The following TRIM44 variants were observed in gnomAD, a reference collection of about 807,000 sequenced individuals.
TRIM44 encodes tripartite motif containing 44.
A neutral mutation model predicts 37.4 loss-of-function variants in TRIM44; 13 were observed. That is an observed-to-expected ratio of 0.35 (90% CI 0.23 to 0.55). The LOEUF is 0.55. Among genes scored for constraint, TRIM44 ranks in the 20% least tolerant of loss-of-function variants. TRIM44 has a pLI of 0.89. For synonymous variants in TRIM44, 175 were observed against 157.2 expected, an observed-to-expected ratio of 1.11 and a Z score of -0.85; for missense variants, 426 against 437.2, an observed-to-expected ratio of 0.97 and a Z score of 0.23.
At chr11:35,739,233 A>G (rs1177963444) in intron 4 of TRIM44, among the ~76,000 whole-genome samples, 1 of 152,218 alleles carries the variant, frequency 6.6e-6, no homozygotes, top group Non-Finnish European at 1.5e-5. Flanking sequence ...TTTAATCTAC[A>G]TGCAAACCTC....
chr11:35,808,376 ACT>A lies in TRIM44; in HGVS notation c.*1995_*1996del, dbSNP rs899927257. 6.6e-6 allele frequency: 1 copy of A among 152,094 alleles called. No homozygotes were observed. The highest frequency in any genetic ancestry group is 1.5e-5 in the Non-Finnish European group (1 of 68,014). The allele number at this position is 152,094 out of a possible 1,614,324, so 9.4% of individuals were successfully genotyped here. On this transcript the variant is annotated 3_prime_UTR_variant, in exon 5 of 5. Coordinates refer to ENST00000299413, the MANE Select transcript of TRIM44 (RefSeq NM_017583.6). ...TACCCTAAAAGAAGGACCAGTGGCCACTCTCGAAAAAATTTAAGTATCAGAAG... is the reference window on the plus strand; with the variant it reads ...TACCCTAAAAGAAGGACCAGTGGCCACTCGAAAAAATTTAAGTATCAGAAG...
intron 4 of TRIM44, among the ~76,000 whole-genome samples, chr11:35,785,061 A>G (rs1424044169): frequency 6.6e-6 from 1 of 152,208 alleles, no homozygotes; most frequent in Non-Finnish European, 1.5e-5. Context: ...AAAGCTACAA[A>G]TACTTGTCCT....
chr11:35,726,832 A>T (rs1299636172), intron 3 of TRIM44, among the ~76,000 whole-genome samples: 1 of 151,832 alleles, frequency 6.6e-6, no homozygotes, highest in Non-Finnish European at 1.5e-5. Context: ...TTTTGAATCT[A>T]CTTTGAAAAA....
intron 4 of TRIM44, among the ~76,000 whole-genome samples, chr11:35,769,000 A>C (rs1013327461): frequency 1.3e-5 from 2 of 152,336 alleles, no homozygotes; most frequent in African/African-American, 4.8e-5. Context: ...CAGATGTTTA[A>C]GCTTCTTTTC....
chr11:35,769,258 C>T (rs1852836130), intron 4 of TRIM44, among the ~76,000 whole-genome samples: 1 of 152,230 alleles, frequency 6.6e-6, no homozygotes, highest in South Asian at 2.1e-4. Context: ...TCTGTGATCA[C>T]TCACATCTTT....
At chr11:35,711,722 C>T (rs1235371822) in intron 2 of TRIM44, among the ~76,000 whole-genome samples, 1 of 152,042 alleles carries the variant, frequency 6.6e-6, no homozygotes, top group Non-Finnish European at 1.5e-5. Context: ...TACCACTGCA[C>T]TCCAGCCTGG....
intron 2 of TRIM44, among the ~76,000 whole-genome samples, chr11:35,717,075 A>G (rs879680161): frequency 6.6e-6 from 1 of 152,210 alleles, no homozygotes; most frequent in African/African-American, 2.4e-5. Context: ...ATAGAAATGT[A>G]TCCAGGTAGA....
At chr11:35,774,079 G>A (rs58575956) in intron 4 of TRIM44, among the ~76,000 whole-genome samples, 2 of 152,206 alleles carry the variant, frequency 1.3e-5, no homozygotes, top group Non-Finnish European at 2.9e-5. Flanking sequence ...CTAGTTTACA[G>A]TCCCACCAAC....
Position 35,811,966 on chromosome 11 carries a change from G to C in TRIM44, c.*5581G>C, listed in dbSNP as rs1281813202. ...ATTAGGCCCTACTTCCTCTTCCCCA[G>C]TTGCGGAGGACACTGCTGCCTGGTG... On this transcript the variant is annotated 3_prime_UTR_variant, in exon 5 of 5. Coordinates refer to ENST00000299413, the MANE Select transcript of TRIM44 (RefSeq NM_017583.6). 1 of 152,210 alleles carries C rather than the reference G, an allele frequency of 6.6e-6. No individual in the cohort carries two copies. The highest frequency in any genetic ancestry group is 1.5e-5 in the Non-Finnish European group (1 of 68,068). 9.4% of individuals were successfully genotyped at this position (152,210 alleles called of 1,614,324 possible).
At chr11:35,726,331 A>G (rs1852174913) in intron 3 of TRIM44, among the ~76,000 whole-genome samples, 168 bp downstream of exon 3, 1 of 152,188 alleles carries the variant, frequency 6.6e-6, no homozygotes, top group Admixed American at 6.5e-5. Flanking sequence ...CCACTAGTTT[A>G]CTCAGTGGCT....
intron 1 of TRIM44, among the ~76,000 whole-genome samples, chr11:35,678,589 C>T (rs1173631357): frequency 6.6e-6 from 1 of 152,000 alleles, no homozygotes; most frequent in African/African-American, 2.4e-5. Flanking sequence ...TTCCTCTCCC[C>T]TCCCTCTCCC....
intron 4 of TRIM44, among the ~76,000 whole-genome samples, chr11:35,785,734 G>A (rs1853123634): frequency 6.6e-6 from 1 of 152,198 alleles, no homozygotes; most frequent in African/African-American, 2.4e-5. Context: ...TAGCAAATGT[G>A]CCTTCAGGGG....
At chr11:35,778,251 C>G (rs1434681672) in intron 4 of TRIM44, among the ~76,000 whole-genome samples, 1 of 152,158 alleles carries the variant, frequency 6.6e-6, no homozygotes, top group East Asian at 1.9e-4. Flanking sequence ...ATCAAATCAG[C>G]TACTGAACCT....
intron 4 of TRIM44, among the ~76,000 whole-genome samples, chr11:35,774,157 T>C (rs1381392313): frequency 4.6e-5 from 7 of 152,190 alleles, no homozygotes; most frequent in African/African-American, 1.7e-4. Flanking sequence ...TTTTAATAAT[T>C]GCCATTCTAA....
At chr11:35,687,371 A>G (rs1851594279) in intron 2 of TRIM44, among the ~76,000 whole-genome samples, 1 of 152,236 alleles carries the variant, frequency 6.6e-6, no homozygotes, top group Non-Finnish European at 1.5e-5. Flanking sequence ...AGGTTGGTAG[A>G]TAGAAAAAAT....
chr11:35,697,518 A>T (rs1590515898), intron 2 of TRIM44, among the ~76,000 whole-genome samples: 1 of 149,920 alleles, frequency 6.7e-6, no homozygotes, highest in African/African-American at 2.5e-5. Context: ...TTTGGTACAT[A>T]TGTATACATG....
At chr11:35,679,734 A>G (rs1590498981) in intron 1 of TRIM44, among the ~76,000 whole-genome samples, 2 of 152,192 alleles carry the variant, frequency 1.3e-5, no homozygotes, top group East Asian at 3.9e-4. Flanking sequence ...AATGCTAGCA[A>G]CTAACTTAAA....
At chr11:35,790,073 T>G (rs1293751497) in intron 4 of TRIM44, among the ~76,000 whole-genome samples, 1 of 152,142 alleles carries the variant, frequency 6.6e-6, no homozygotes, top group African/African-American at 2.4e-5. Flanking sequence ...CTTATTTGCT[T>G]CTTTCAGTGC....
At chr11:35,763,874 T>C (rs1327230954) in intron 4 of TRIM44, among the ~76,000 whole-genome samples, 1 of 152,030 alleles carries the variant, frequency 6.6e-6, no homozygotes, top group African/African-American at 2.4e-5. Context: ...GGCCTGGAGG[T>C]CGTGGAACTA....
Sources: gnomAD v4.1 joint callset for allele counts (sites outside exome capture counted in the v4.1 genomes callset) on GRCh38, gnomAD v4.1.1 for gene constraint, MANE v1.5 for transcripts, NCBI Gene and HGNC (gene_info 2026-07-23, HGNC 2026-07-21) for gene names.